LRCH1: variants seen among roughly 807,000 people sequenced by gnomAD.
LRCH1 encodes leucine rich repeats and calponin homology domain containing 1.
LRCH1 carries 23 observed loss-of-function variants against 94.9 expected under a neutral mutation model. That is an observed-to-expected ratio of 0.24 (90% CI 0.17 to 0.34). The LOEUF (loss-of-function observed/expected upper bound fraction) is 0.34. LRCH1 is among the 10% of genes least tolerant of loss of function. The probability of loss-of-function intolerance (pLI) is 1.00; values close to 1 mark genes in which losing one functional copy is unlikely to be tolerated. For missense variants in LRCH1, 790 were observed against 945.9 expected, an observed-to-expected ratio of 0.84 and a Z score of 2.16; for synonymous variants, 364 against 354.9, an observed-to-expected ratio of 1.03 and a Z score of -0.29.
At chr13:46,747,589 G>A (rs529745258), downstream of LRCH1, among the ~76,000 whole-genome samples, 34 of 152,342 alleles carry the variant, frequency 2.2e-4, no homozygotes, top group African/African-American at 7.9e-4. Flanking sequence ...ACTAAACACT[G>A]AGGTTGAAAA....
chr13:46,615,426 G>A (rs1252953816), intron 1 of LRCH1, among the ~76,000 whole-genome samples: 1 of 152,154 alleles, frequency 6.6e-6, no homozygotes, highest in African/African-American at 2.4e-5. Flanking sequence ...CCATTCATGA[G>A]TGATCCGTCC....
In LRCH1 at chr13:46,673,294, C is replaced by T. The variant is rs182477963; in HGVS notation, c.579+4138C>T. ...TTCCCTGCCCCTGTGTATGAGCAAG[C>T]GTGATCTTTGGAAAAGCATTTACTT... On this transcript the variant is annotated intron_variant, in intron 3 of 19. Coordinates refer to ENST00000389797, the MANE Select transcript of LRCH1 (RefSeq NM_001164211.2). 1.2e-4 allele frequency among the ~76,000 whole-genome samples: 18 copies of T among 152,016 alleles called. No individual in the cohort carries two copies. The East Asian group carries it at 3.1e-3, about 26-fold the overall frequency.
At chr13:46,677,860 G>C (rs1340469259) in intron 3 of LRCH1, among the ~76,000 whole-genome samples, 2 of 152,114 alleles carry the variant, frequency 1.3e-5, no homozygotes, top group African/African-American at 2.4e-5. Flanking sequence ...AATAAATTCA[G>C]TAAATATTTA....
At chr13:46,609,977 G>A (rs1031965198) in intron 1 of LRCH1, among the ~76,000 whole-genome samples, 9 of 152,186 alleles carry the variant, frequency 5.9e-5, no homozygotes, top group Non-Finnish European at 1.3e-4. Flanking sequence ...ACCTTTGTGA[G>A]TTGTGACATC....
At chr13:46,668,351 C>G (rs527342925) in intron 2 of LRCH1, among the ~76,000 whole-genome samples, 1 of 152,280 alleles carries the variant, frequency 6.6e-6, no homozygotes, top group African/African-American at 2.4e-5. Context: ...CTCTGTGGAA[C>G]TAAACCCCTC....
At chr13:46,638,844 C>G (rs1324008004) in intron 1 of LRCH1, among the ~76,000 whole-genome samples, 1 of 152,194 alleles carries the variant, frequency 6.6e-6, no homozygotes, top group Non-Finnish European at 1.5e-5. Flanking sequence ...GTTTATACTA[C>G]AAAACCTCTA....
chr13:46,720,353 C>CTCCA (rs1451709012), intron 16 of LRCH1, among the ~76,000 whole-genome samples: 1 of 152,204 alleles, frequency 6.6e-6, no homozygotes, highest in African/African-American at 2.4e-5. Flanking sequence ...CACCATTGCA[C>CTCCA]TCCAGCCTGG....
intron 1 of LRCH1, among the ~76,000 whole-genome samples, chr13:46,594,647 A>G (rs2050538969): frequency 6.6e-6 from 1 of 152,160 alleles, no homozygotes; most frequent in African/African-American, 2.4e-5. Flanking sequence ...GTAGAATTTA[A>G]TATTTAAAGT....
rs1390919190 is a variant in LRCH1, at chr13:46,705,297, T to C, written c.1520T>C (p.Val507Ala). 1 of 1,613,628 alleles carries C rather than the reference T, an allele frequency of 6.2e-7. No homozygotes were observed. Among genetic ancestry groups the C allele is most frequent in the Admixed American group, 1.7e-5 (1 of 60,004 alleles). The change falls in exon 13 of 20, where the codon GTG becomes GCG. Residue 507 changes from valine (V) to alanine (A), a missense_variant. This residue lies in a region of LRCH1 where 460 missense variants were observed against 508.9 expected (regional missense o/e 0.90). Coordinates refer to ENST00000389797, the MANE Select transcript of LRCH1 (RefSeq NM_001164211.2). ...CAAATACAGCTGGAGACATCTCCGGTGTGTGAGGTAAGGCTGCTGGTAGAT... is the reference window on the plus strand; with the variant it reads ...CAAATACAGCTGGAGACATCTCCGGCGTGTGAGGTAAGGCTGCTGGTAGAT... ...NGQIQLETSPVCEVQSDLTLQ... is the reference protein window; with the variant it reads ...NGQIQLETSPACEVQSDLTLQ...
chr13:46,746,678 A>G (rs1873925996), downstream of LRCH1, among the ~76,000 whole-genome samples: 1 of 152,208 alleles, frequency 6.6e-6, no homozygotes, highest in African/African-American at 2.4e-5. Context: ...CATTATGAAC[A>G]AGGGGCCTGC....
intron 18 of LRCH1, among the ~76,000 whole-genome samples, chr13:46,731,949 T>C (rs964623705): frequency 6.6e-6 from 1 of 152,214 alleles, no homozygotes; most frequent in African/African-American, 2.4e-5. Context: ...ACCTACCCCA[T>C]GACAACTAAG....
At chr13:46,710,002 A>C (rs1356162476) in intron 13 of LRCH1, among the ~76,000 whole-genome samples, 1 of 152,228 alleles carries the variant, frequency 6.6e-6, no homozygotes, top group African/African-American at 2.4e-5. Flanking sequence ...ATTCAAGCAG[A>C]AAGTAACATC....
At chr13:46,581,958 T>C (rs4942554) in intron 1 of LRCH1, among the ~76,000 whole-genome samples, 11,324 of 152,188 alleles carry the variant, frequency 0.074, 625 homozygotes, top group East Asian at 0.19. Flanking sequence ...TAGGCCACCC[T>C]GGCCAATATG....
intron 19 of LRCH1, among the ~76,000 whole-genome samples, chr13:46,737,288 C>G (rs1873432319): frequency 6.6e-6 from 1 of 152,128 alleles, no homozygotes; most frequent in Non-Finnish European, 1.5e-5. Flanking sequence ...TTTTTTAAGA[C>G]AGGGTCTCAC....
chr13:46,685,158 C>A (rs1294362964), intron 4 of LRCH1, among the ~76,000 whole-genome samples: 1 of 152,172 alleles, frequency 6.6e-6, no homozygotes, highest in East Asian at 1.9e-4. Context: ...GCCTGCATCA[C>A]CCTAGATGTC....
At chr13:46,678,077 G>A (rs866070201) in intron 3 of LRCH1, among the ~76,000 whole-genome samples, 6 of 152,162 alleles carry the variant, frequency 3.9e-5, no homozygotes, top group Non-Finnish European at 7.3e-5. Flanking sequence ...ACTAATTGCC[G>A]AAGTTGAGGC....
intron 1 of LRCH1, among the ~76,000 whole-genome samples, chr13:46,622,767 A>C (rs2138026757): frequency 6.6e-6 from 1 of 152,368 alleles, no homozygotes; most frequent in South Asian, 2.1e-4. Flanking sequence ...TTACTTGCTA[A>C]TTTAAACAAC....
In LRCH1 at chr13:46,553,471, T is replaced by G. The variant is rs201699098; in HGVS notation, c.75T>G (p.His25Gln). The change falls in exon 1 of 20, where the codon CAT (histidine) becomes CAG (glutamine). Residue 25 changes from histidine to glutamine, a missense_variant. Physicochemically the swap from His to Gln is conservative, Grantham distance 24. Around this residue, in one of 3 missense-constraint regions of LRCH1, gnomAD observed 136 missense variants for 143.5 expected, o/e 0.95. Transcript: ENST00000389797. ...TAGCTACTCTGCACCCACTTCATCA[T>G]CCCCACCACCACCACCACCACCATC... ...LSVATLHPLH[H>Q]PHHHHHHHQH... The G allele has an allele frequency of 5.8e-4, 903 of 1,547,876 alleles. 2 individuals are homozygous for G. Among genetic ancestry groups the G allele is most frequent in the Non-Finnish European group, 7.1e-4 (818 of 1,145,868 alleles).
chr13:46,690,882 G>T (rs1460090924), intron 7 of LRCH1, among the ~76,000 whole-genome samples: 1 of 152,188 alleles, frequency 6.6e-6, no homozygotes, highest in Admixed American at 6.5e-5. Context: ...CCATTTAGAT[G>T]ACATTGTGGG....
Sources: gnomAD v4.1 joint callset for allele counts (sites outside exome capture counted in the v4.1 genomes callset) on GRCh38, gnomAD v4.1.1 for gene constraint, gnomAD v4.1.1 regional missense constraint, MANE v1.5 for transcripts, NCBI Gene and HGNC (gene_info 2026-07-23, HGNC 2026-07-21) for gene names.